CEP120: variants seen among roughly 807,000 people sequenced by gnomAD.
CEP120 encodes the protein centrosomal protein 120.
Under a neutral mutation model 126.5 loss-of-function variants are expected in CEP120, and 113 were observed. The observed-to-expected ratio is 0.89, with a 90% confidence interval of 0.77 to 1.04. The LOEUF is 1.04. CEP120 is among the 50% of genes least tolerant of loss of function. CEP120 has a pLI of 0.00. For missense variants in CEP120, 1,230 were observed against 1,155.7 expected (o/e 1.06, Z -0.93); for synonymous variants, 400 against 394.3 (o/e 1.01, Z -0.17).
At chr5:123,394,773 C>T (rs1772654457) in intron 5 of CEP120, among the ~76,000 whole-genome samples, 1 of 152,206 alleles carries the variant, frequency 6.6e-6, no homozygotes, top group Non-Finnish European at 1.5e-5. Context: ...ATCATGTGGA[C>T]TTACACACAT....
Position 123,399,116 on chromosome 5 carries a change from A to C in CEP120, c.612+20T>G. On this transcript the variant is annotated intron_variant, in intron 5 of 19. Transcript: ENST00000306467. ...GTTTTCAAATTATTCGTAAGTCACCAATCTCATGAAAAGTCTCACCTGTTC... is the reference window on the plus strand; with the variant it reads ...GTTTTCAAATTATTCGTAAGTCACCCATCTCATGAAAAGTCTCACCTGTTC... 6.5e-7 allele frequency: 1 copy of C among 1,548,162 alleles called. No homozygotes were observed. The highest frequency in any genetic ancestry group is 1.7e-4 in the Middle Eastern group (1 of 5,798).
At chr5:123,409,265 T>A (rs1188117140) in intron 4 of CEP120, among the ~76,000 whole-genome samples, 3 of 152,148 alleles carry the variant, frequency 2.0e-5, no homozygotes, top group Admixed American at 6.5e-5. Flanking sequence ...AAACCAGAAT[T>A]AGAAGGAAAC....
chr5:123,422,642 GGACC>G, intron 1 of CEP120: 2 of 1,106,532 alleles, frequency 1.8e-6, no homozygotes, highest in Non-Finnish European at 2.6e-6. Context: ...GCGCTTCTCA[GGACC>G]ACGTTCAGCT....
At chr5:123,423,625 G>GT (rs140817054), upstream of CEP120, 10,309 of 153,078 alleles carry the variant, frequency 0.067, 429 homozygotes, top group South Asian at 0.11. Context: ...TTTAAGGAGC[G>GT]TGAGTGTAGC....
rs7706634 is a variant in CEP120 at position 123,389,741 on chromosome 5, C to G, written c.1255+183G>C. Among the ~76,000 whole-genome samples the G allele has an allele frequency of 0.28, 42,160 of 152,070 alleles. 6,047 individuals carry two copies. The highest frequency in any genetic ancestry group is 0.31 in the African/African-American group (12,731 of 41,470). ...TCTCGAATGCCCAACCTCAGGTGATCCACCTGCCTCGGTCTTCCAAAGTGC... is the reference window on the plus strand; with the variant it reads ...TCTCGAATGCCCAACCTCAGGTGATGCACCTGCCTCGGTCTTCCAAAGTGC... On this transcript the variant is annotated intron_variant, in intron 8 of 19. Transcript: ENST00000306467.
At chr5:123,381,819 C>A (rs1467410755) in intron 14 of CEP120, among the ~76,000 whole-genome samples, 1 of 151,784 alleles carries the variant, frequency 6.6e-6, no homozygotes, top group Non-Finnish European at 1.5e-5. Flanking sequence ...TGGTCTCAAC[C>A]TCCTGGCCTC....
chr5:123,382,904 A>C lies in CEP120; in HGVS notation c.1861-15T>G. On this transcript the variant is annotated splice_polypyrimidine_tract_variant and intron_variant, in intron 12 of 19. Transcript: ENST00000306467. ...GCAGATACACCCTAAGAGATGAACC[A>C]AAAAGTACATTTAAACACTCACACA... The C allele has an allele frequency of 6.2e-7, 1 of 1,611,518 alleles. No homozygotes were observed. Among genetic ancestry groups the C allele is most frequent in the South Asian group, 1.1e-5 (1 of 90,578 alleles).
chr5:123,420,547 G>A (rs968741023), intron 1 of CEP120, among the ~76,000 whole-genome samples: 18 of 152,276 alleles, frequency 1.2e-4, no homozygotes, highest in African/African-American at 4.1e-4. Context: ...GAAAAGGTAG[G>A]CAAGAGGTCT....
intron 5 of CEP120, among the ~76,000 whole-genome samples, chr5:123,398,517 C>T (rs1314316117): frequency 1.3e-5 from 2 of 152,176 alleles, no homozygotes; most frequent in South Asian, 2.1e-4. Context: ...ATTCAGTTTC[C>T]TCAGCTGTGA....
intron 4 of CEP120, among the ~76,000 whole-genome samples, chr5:123,408,554 C>T (rs1354800125): frequency 2.0e-5 from 3 of 151,966 alleles, no homozygotes; most frequent in Non-Finnish European, 4.4e-5. Flanking sequence ...ACACAATATG[C>T]CAAAACTCAT....
At position 123,383,070 on chromosome 5, in the gene CEP120, C is replaced by A. The variant is rs774262475; in HGVS notation, c.1776G>T (p.Arg592Ser). The A allele has an allele frequency of 6.7e-7, 1 of 1,497,590 alleles. No individual in the cohort carries two copies. Among genetic ancestry groups the A allele is most frequent in the Non-Finnish European group, 9.2e-7 (1 of 1,086,596 alleles). 92.8% of individuals were successfully genotyped at this position (1,497,590 alleles called of 1,614,324 possible). A position where few individuals can be genotyped will look rare whatever the true frequency, so the allele number is the denominator to read the frequency against. ...PVIAAQGSNNRIADLSYTVTL... is the reference protein window; with the variant it reads ...PVIAAQGSNNSIADLSYTVTL... Reference sequence around the variant, plus strand: ...TCACTGTGTAAGAAAGATCTGCTATCCTGTTATTTGATCTACAAATAAAAT... The same window carrying A: ...TCACTGTGTAAGAAAGATCTGCTATACTGTTATTTGATCTACAAATAAAAT... The change falls in exon 12 of 20, where the codon AGG becomes AGT. Residue 592 changes from arginine (R) to serine (S), a missense_variant. Arg to Ser is a moderately radical substitution (Grantham distance 110). Coordinates refer to ENST00000306467, the MANE Select transcript of CEP120 (RefSeq NM_001375405.1).
intron 1 of CEP120, among the ~76,000 whole-genome samples, chr5:123,419,553 C>CAAAA (rs566909063): frequency 1.5e-5 from 2 of 135,258 alleles, no homozygotes; most frequent in South Asian, 2.3e-4. Context: ...AAAACAAAAA[C>CAAAA]AAAAAAAAAA....
Position 123,346,692 on chromosome 5 carries a change from CCT to C in CEP120, c.2786_2787del (p.Lys929ArgfsTer14). ...TCCAATACACTGCCATGGGGGCCATCCTTTTTTCCACTTGCAATCTCTGTGGA... is the reference window on the plus strand; with the variant it reads ...TCCAATACACTGCCATGGGGGCCATCTTTTTCCACTTGCAATCTCTGTGGA... The part of the protein sequence containing the change: ...QDSTEIASGK[K>X]DGPHGSVLEE... On this transcript the variant is annotated frameshift_variant, in exon 20 of 20. Coordinates refer to ENST00000306467, the MANE Select transcript of CEP120 (RefSeq NM_001375405.1). LOFTEE classifies it high-confidence loss of function. 1 of 1,613,430 alleles carries C rather than the reference CCT, an allele frequency of 6.2e-7. No homozygotes were observed. The highest frequency in any genetic ancestry group is 8.5e-7 in the Non-Finnish European group (1 of 1,179,852).
chr5:123,366,814 C>T (rs193156690), intron 17 of CEP120, among the ~76,000 whole-genome samples: 1 of 151,942 alleles, frequency 6.6e-6, no homozygotes, highest in African/African-American at 2.4e-5. Context: ...AACTACTCCA[C>T]CTAGGATTGA....
chr5:123,348,302 T>G (rs6595438), intron 19 of CEP120, among the ~76,000 whole-genome samples: 13 of 151,958 alleles, frequency 8.6e-5, no homozygotes, highest in Non-Finnish European at 1.8e-4. Context: ...ACAAATTTGA[T>G]AGGCAACATG....
chr5:123,392,583 T>C (rs572532786), intron 6 of CEP120, among the ~76,000 whole-genome samples: 2 of 152,206 alleles, frequency 1.3e-5, no homozygotes, highest in Admixed American at 6.5e-5. Flanking sequence ...TGATCATAGC[T>C]GACTGCAGTC....
At chr5:123,414,810 C>CAA (rs566160292) in intron 3 of CEP120, among the ~76,000 whole-genome samples, 2 of 142,222 alleles carry the variant, frequency 1.4e-5, no homozygotes, top group African/African-American at 2.6e-5. Context: ...ACTAAAAATT[C>CAA]AAAAAAAAAA....
chr5:123,363,879 G>C (rs1217577711), intron 18 of CEP120, among the ~76,000 whole-genome samples: 2 of 151,322 alleles, frequency 1.3e-5, no homozygotes, highest in Non-Finnish European at 3.0e-5. Flanking sequence ...AGGTCAGTTA[G>C]GGTTAGATTC....
At chr5:123,379,894 G>T (rs1771520492) in intron 14 of CEP120, among the ~76,000 whole-genome samples, 1 of 152,078 alleles carries the variant, frequency 6.6e-6, no homozygotes, top group Non-Finnish European at 1.5e-5. Context: ...GTGAAAGCAT[G>T]ATCTTATCTA....
Sources: gnomAD v4.1 joint callset for allele counts (sites outside exome capture counted in the v4.1 genomes callset) on GRCh38, gnomAD v4.1.1 for gene constraint, MANE v1.5 for transcripts, NCBI Gene and HGNC (gene_info 2026-07-23, HGNC 2026-07-21) for gene names.